Variants in GNA12 observed in about 807,000 individuals in gnomAD.
GNA12 encodes guanine nucleotide-binding protein subunit alpha-12.
In GNA12, 9 loss-of-function variants were observed where a neutral mutation model predicts 26.0. The observed-to-expected ratio is 0.35, with a 90% CI of 0.21 to 0.60. GNA12 has a LOEUF of 0.60. Among genes scored for constraint, GNA12 ranks in the 20% least tolerant of loss-of-function variants. The pLI, the probability that GNA12 is intolerant of heterozygous loss-of-function variation, is 0.78. For synonymous variants in GNA12, 264 were observed against 219.6 expected, an observed-to-expected ratio of 1.20 and a Z score of -1.79; for missense variants, 405 against 525.8, an observed-to-expected ratio of 0.77 and a Z score of 2.25.
intron 3 of GNA12, among the ~76,000 whole-genome samples, chr7:2,732,632 A>C (rs114294203): frequency 0.011 from 1,693 of 152,304 alleles, 34 homozygotes; most frequent in African/African-American, 0.038. Flanking sequence ...CTTCTTGCCA[A>C]AACACCAAAC....
chr7:2,792,731 T>C (rs2258709), intron 2 of GNA12, among the ~76,000 whole-genome samples: 68,747 of 152,084 alleles, frequency 0.45, 17,116 homozygotes, highest in Non-Finnish European at 0.55. Flanking sequence ...TCTTCCACTC[T>C]CTTTTGATTC....
At chr7:2,780,715 A>G (rs955945006) in intron 2 of GNA12, among the ~76,000 whole-genome samples, 3 of 152,188 alleles carry the variant, frequency 2.0e-5, no homozygotes, top group African/African-American at 7.2e-5. Flanking sequence ...GATTGATCAT[A>G]TTGCTGAGAG....
intron 1 of GNA12, chr7:2,835,843 T>A: frequency 1.6e-6 from 1 of 624,840 alleles, no homozygotes; most frequent in South Asian, 1.5e-5. Context: ...CGGTGATGTC[T>A]TCATTAGCCA....
chr7:2,737,547 C>T (rs998929161), intron 2 of GNA12, among the ~76,000 whole-genome samples: 12 of 152,110 alleles, frequency 7.9e-5, no homozygotes, highest in Admixed American at 7.9e-4. Flanking sequence ...CCTCAGCCTC[C>T]CAGAGTGCTG....
chr7:2,829,217 C>A (rs1793548651), intron 1 of GNA12, among the ~76,000 whole-genome samples: 3 of 152,204 alleles, frequency 2.0e-5, no homozygotes, highest in African/African-American at 7.2e-5. Context: ...GGTCCCTGCC[C>A]CAGGCAGTTT....
intron 1 of GNA12, among the ~76,000 whole-genome samples, chr7:2,796,598 C>T (rs915237483): frequency 5.3e-5 from 8 of 152,174 alleles, no homozygotes; most frequent in African/African-American, 1.2e-4. Flanking sequence ...GACTAAAATA[C>T]GACAAGCCAA....
At chr7:2,760,284 T>A (rs1421190986) in intron 2 of GNA12, 1 of 152,432 alleles carries the variant, frequency 6.6e-6, no homozygotes, top group East Asian at 1.9e-4. Context: ...CAGCGCTGCC[T>A]CCCTAGGTCC....
At chr7:2,742,464 A>G (rs1483352829) in intron 2 of GNA12, among the ~76,000 whole-genome samples, 2 of 152,156 alleles carry the variant, frequency 1.3e-5, no homozygotes, top group Admixed American at 6.5e-5. Context: ...TCCACTGTCA[A>G]CAAGAGCCCT....
chr7:2,781,488 T>A lies in GNA12; in HGVS notation c.525+13440A>T, dbSNP rs371410349. 2.6e-5 allele frequency among the ~76,000 whole-genome samples: 4 copies of A among 151,732 alleles called. No individual in the cohort carries two copies. In the East Asian group the frequency reaches 5.8e-4, roughly 22 times the overall value. On this transcript the variant is annotated intron_variant, in intron 2 of 3. Coordinates refer to ENST00000275364, the MANE Select transcript of GNA12 (RefSeq NM_007353.3). Reference sequence around the variant, plus strand: ...ATTGTTCTTTATGTGGTTTGACTACTCTACTTATCTAATTCTGCACCAACA... The same window carrying A: ...ATTGTTCTTTATGTGGTTTGACTACACTACTTATCTAATTCTGCACCAACA...
intron 2 of GNA12, among the ~76,000 whole-genome samples, chr7:2,739,861 G>A (rs1029349993): frequency 3.3e-5 from 5 of 152,110 alleles, no homozygotes; most frequent in African/African-American, 7.2e-5. Context: ...TAGTAGAGAC[G>A]GGGGTTTCAC....
rs771918639 is a variant in GNA12 at position 2,795,030 on chromosome 7, A to G, written c.423T>C (p.Pro141=). The change falls in exon 2 of 4, where the codon CCT becomes CCC. Residue 141 remains proline (P), a synonymous_variant. Coordinates refer to ENST00000275364, the MANE Select transcript of GNA12 (RefSeq NM_007353.3). The part of the protein sequence containing the change: ...LMAFENKAGL[P]VEPATFQLYV... Reference sequence around the variant, plus strand: ...ACAGCTGGAAGGTGGCCGGCTCCACAGGCAGCCCCGCCTTGTTCTCGAAGG... The same window carrying G: ...ACAGCTGGAAGGTGGCCGGCTCCACGGGCAGCCCCGCCTTGTTCTCGAAGG... 3 of 1,614,004 alleles carry G rather than the reference A, an allele frequency of 1.9e-6. No homozygotes were observed. The highest frequency in any genetic ancestry group is 2.5e-6 in the Non-Finnish European group (3 of 1,179,968).
At chr7:2,757,954 T>C (rs1791382518) in intron 2 of GNA12, among the ~76,000 whole-genome samples, 3 of 152,214 alleles carry the variant, frequency 2.0e-5, no homozygotes, top group Admixed American at 2.0e-4. Context: ...TAAGGAATGA[T>C]TCTTCCCTCC....
intron 2 of GNA12, among the ~76,000 whole-genome samples, chr7:2,739,342 G>A (rs1344479386): frequency 6.6e-6 from 1 of 152,172 alleles, no homozygotes; most frequent in East Asian, 1.9e-4. Flanking sequence ...CCATGGATTT[G>A]CCGGTTCTGG....
chr7:2,793,346 C>T (rs1340534401), intron 2 of GNA12, among the ~76,000 whole-genome samples: 7 of 148,578 alleles, frequency 4.7e-5, no homozygotes, highest in African/African-American at 7.7e-5. Context: ...GAGGAAGCAG[C>T]GGACAGGAGC....
intron 2 of GNA12, among the ~76,000 whole-genome samples, chr7:2,751,727 C>T (rs548662547): frequency 6.6e-6 from 1 of 152,292 alleles, no homozygotes; most frequent in South Asian, 2.1e-4. Context: ...GAGAATGTTC[C>T]AAACAACTTT....
chr7:2,770,943 G>T (rs1791932577), intron 2 of GNA12, among the ~76,000 whole-genome samples: 1 of 152,146 alleles, frequency 6.6e-6, no homozygotes, highest in Non-Finnish European at 1.5e-5. Flanking sequence ...AGGCTCTGAT[G>T]ACTCCTTGCA....
chr7:2,779,439 G>C (rs1457347831), intron 2 of GNA12, among the ~76,000 whole-genome samples: 1 of 151,786 alleles, frequency 6.6e-6, no homozygotes, highest in Non-Finnish European at 1.5e-5. Flanking sequence ...GAACCTGCGA[G>C]TTCGAGGCTA....
chr7:2,842,820 G>C (rs1313542228), intron 1 of GNA12, among the ~76,000 whole-genome samples: 1 of 152,184 alleles, frequency 6.6e-6, no homozygotes, highest in Non-Finnish European at 1.5e-5. Context: ...TCATCTTTTA[G>C]CCACTCATAT....
intron 2 of GNA12, among the ~76,000 whole-genome samples, chr7:2,750,704 T>C (rs1010676919): frequency 6.6e-6 from 1 of 152,216 alleles, no homozygotes; most frequent in African/African-American, 2.4e-5. Flanking sequence ...CGGGGGACTA[T>C]TGGACAGGCA....
Sources: allele counts gnomAD v4.1 joint callset (sites outside exome capture counted in the v4.1 genomes callset), GRCh38; gene constraint gnomAD v4.1.1; transcripts MANE v1.5; gene names NCBI Gene and HGNC (gene_info 2026-07-23, HGNC 2026-07-21).